The following ZNF469 variants were observed in gnomAD, a reference collection of about 807,000 sequenced individuals.
ZNF469 encodes zinc finger protein 469.
In ZNF469, 1 loss-of-function variant was observed where a neutral mutation model predicts 1.0. The ratio of observed to expected loss-of-function variants is 1.00; its 90% CI spans 0.35 to 4.73. ZNF469 has a LOEUF of 4.73. Ranked by LOEUF, ZNF469 falls within the 30% of genes most tolerant of loss-of-function variation. ZNF469 has a pLI of 0.16. For synonymous variants in ZNF469, 2,703 were observed against 2,363.4 expected (o/e 1.14, Z -4.17); for missense variants, 6,100 against 5,356.3 (o/e 1.14, Z -4.33).
At chr16:88,214,634 C>T in the ZNF469 span, among the ~76,000 whole-genome samples, 7 of 152,120 alleles carry the variant, frequency 4.6e-5, no homozygotes, top group African/African-American at 1.7e-4. Flanking sequence ...AGGTATTTCT[C>T]CTAATGTTAT....
At chr16:88,384,706 G>C (rs2092533473) in intron 1 of ZNF469, among the ~76,000 whole-genome samples, 1 of 152,242 alleles carries the variant, frequency 6.6e-6, no homozygotes. Flanking sequence ...GGAGGCACAG[G>C]TGAAGGGTGT....
chr16:88,177,014 T>C, the ZNF469 span, among the ~76,000 whole-genome samples: 1 of 152,210 alleles, frequency 6.6e-6, no homozygotes, highest in Admixed American at 6.5e-5. The surrounding 1 kb of genome is among the most constrained non-coding windows in gnomAD (Gnocchi z 4.8). Flanking sequence ...TCCCAGGTCA[T>C]AGAAACCTCG....
intron 1 of ZNF469, among the ~76,000 whole-genome samples, chr16:88,410,260 A>G (rs1031764236): frequency 6.8e-6 from 1 of 146,844 alleles, no homozygotes; most frequent in Admixed American, 6.6e-5. Flanking sequence ...GGTGCAGGTC[A>G]CACAGTTCAC....
chr16:88,182,290 G>A, the ZNF469 span, among the ~76,000 whole-genome samples: 2 of 152,228 alleles, frequency 1.3e-5, no homozygotes, highest in South Asian at 4.1e-4. Context: ...TTGTTAAGAT[G>A]TAAATCCCTG....
chr16:88,366,077 CCATCATCACCAT>C, the ZNF469 span, among the ~76,000 whole-genome samples: 4 of 122,528 alleles, frequency 3.3e-5, no homozygotes, highest in African/African-American at 6.7e-5. Context: ...TGTGAGGCCA[CCATCATCACCAT>C]CATCATCACC....
the ZNF469 span, among the ~76,000 whole-genome samples, chr16:88,184,590 C>G: frequency 5.9e-5 from 9 of 152,014 alleles, no homozygotes; most frequent in African/African-American, 9.7e-5. Flanking sequence ...GCCACCTTCC[C>G]GTTCCCGTTT....
At chr16:88,265,618 G>A in the ZNF469 span, among the ~76,000 whole-genome samples, 64 of 152,330 alleles carry the variant, frequency 4.2e-4, no homozygotes, top group African/African-American at 1.3e-3. Context: ...GCTGGGGACC[G>A]CAAACACCTC....
chr16:88,290,244 G>A, the ZNF469 span, among the ~76,000 whole-genome samples: 1 of 152,352 alleles, frequency 6.6e-6, no homozygotes, highest in South Asian at 2.1e-4. Context: ...GCAGCTGATG[G>A]ACTTTCAGAT....
chr16:88,437,322 GGCCGCGACCCCAGACAGC>G lies in ZNF469; in HGVS notation c.9856_9873del (p.Ala3286_Ala3291del). The G allele has an allele frequency of 6.5e-7, 1 of 1,547,090 alleles. No individual in the cohort carries two copies. Among genetic ancestry groups the G allele is most frequent in the Non-Finnish European group, 8.7e-7 (1 of 1,145,380 alleles). On this transcript the variant is annotated inframe_deletion, in exon 3 of 3. Coordinates refer to ENST00000565624, the MANE Select transcript of ZNF469 (RefSeq NM_001367624.2). Reference sequence around the variant, plus strand: ...GCAGCACCCCCAGCAACCCAGACGGGGCCGCGACCCCAGACAGCGCCTCTGCCACCGCCCTGGCTGACG... The same window carrying G: ...GCAGCACCCCCAGCAACCCAGACGGGGCCTCTGCCACCGCCCTGGCTGACG...
upstream of ZNF469, among the ~76,000 whole-genome samples, chr16:88,380,954 TCACA>T (rs924147953): frequency 1.2e-5 from 1 of 84,368 alleles, no homozygotes; most frequent in South Asian, 4.4e-4. Flanking sequence ...AGACACGCCC[TCACA>T]CACAGACATG....
the ZNF469 span, among the ~76,000 whole-genome samples, chr16:88,372,221 C>CCAT: frequency 0.022 from 74 of 3,352 alleles, 2 homozygotes; most frequent in East Asian, 0.037. Flanking sequence ...ATCACCATCA[C>CCAT]CACTATCATC....
chr16:88,264,296 A>T, the ZNF469 span, among the ~76,000 whole-genome samples: 1 of 150,786 alleles, frequency 6.6e-6, no homozygotes, highest in South Asian at 2.1e-4. Flanking sequence ...TAGGCTGGCC[A>T]CCCCTCATGC....
the ZNF469 span, chr16:88,192,017 A>G: frequency 6.6e-6 from 1 of 152,346 alleles, no homozygotes; most frequent in Non-Finnish European, 1.5e-5. Flanking sequence ...GGACCCCATG[A>G]TGGGACTGGT....
chr16:88,281,470 G>A, the ZNF469 span, among the ~76,000 whole-genome samples: 977 of 149,780 alleles, frequency 6.5e-3, 17 homozygotes, highest in African/African-American at 0.023. Flanking sequence ...TGCTTGGTCA[G>A]TACCGTGTCA....
At position 88,435,969 on chromosome 16, in the gene ZNF469, G is replaced by A. The variant is rs1906541685; in HGVS notation, c.8499G>A (p.Gly2833=). ...CAGACACCCAGGGTGGAGTCCAGGG[G>A]CCTGAAGGCCCCACTCCTGATGCCT... ...DNPDTQGGVQ[G]PEGPTPDASG... Residue 2833 remains glycine, a synonymous_variant, in exon 3 of 3, where the codon GGG becomes GGA. Transcript: ENST00000565624. 2 of 1,549,876 alleles carry A rather than the reference G, an allele frequency of 1.3e-6. No individual in the cohort carries two copies. The highest frequency in any genetic ancestry group is 2.0e-5 in the Admixed American group (1 of 50,990).
the ZNF469 span, among the ~76,000 whole-genome samples, chr16:88,347,897 G>GC: frequency 7.9e-5 from 12 of 152,232 alleles, no homozygotes; most frequent in Non-Finnish European, 2.9e-5. Flanking sequence ...GAGTAGGGGT[G>GC]CCCCATGACC....
the ZNF469 span, among the ~76,000 whole-genome samples, chr16:88,203,458 C>T: frequency 2.7e-4 from 40 of 147,898 alleles, no homozygotes; most frequent in Admixed American, 1.5e-3. Flanking sequence ...TGTGAGCTCC[C>T]GGAGCTGCGG....
At chr16:88,402,004 G>C (rs1381812032) in intron 1 of ZNF469, among the ~76,000 whole-genome samples, 1 of 139,246 alleles carries the variant, frequency 7.2e-6, no homozygotes, top group African/African-American at 2.8e-5. Context: ...AGATGGATGG[G>C]TGGATGGATA....
the ZNF469 span, among the ~76,000 whole-genome samples, chr16:88,122,697 A>C: frequency 4.6e-5 from 7 of 152,186 alleles, no homozygotes; most frequent in African/African-American, 4.8e-5. Flanking sequence ...GAGGATTTGT[A>C]CACATATTTG....
Sources: gnomAD v4.1 joint callset for allele counts (sites outside exome capture counted in the v4.1 genomes callset) on GRCh38, gnomAD v4.1.1 for gene constraint, Gnocchi (gnomAD v3.1) non-coding constraint, MANE v1.5 for transcripts, NCBI Gene and HGNC (gene_info 2026-07-23, HGNC 2026-07-21) for gene names.